Variants in GALNTL6 observed in about 807,000 individuals in gnomAD.
The protein encoded by GALNTL6 is polypeptide N-acetylgalactosaminyltransferase like 6, also known as polypeptide N-acetylgalactosaminyltransferase-like 6.
A neutral mutation model predicts 73.7 loss-of-function variants in GALNTL6; 46 were observed. That is an observed-to-expected ratio of 0.62 (90% confidence interval 0.49 to 0.80). The LOEUF (loss-of-function observed/expected upper bound fraction) is 0.80, where lower values mean the gene tolerates loss of function less well. Ranked by LOEUF, GALNTL6 falls within the 30% of genes least tolerant of loss-of-function variation. The pLI, the probability that GALNTL6 is intolerant of heterozygous loss-of-function variation, is 0.00. For missense variants in GALNTL6, 604 were observed against 755.0 expected, an observed-to-expected ratio of 0.80 and a Z score of 2.34; for synonymous variants, 259 against 263.7, an observed-to-expected ratio of 0.98 and a Z score of 0.17.
At chr4:171,892,989 A>G (rs1736805637) in intron 2 of GALNTL6, among the ~76,000 whole-genome samples, 1 of 152,210 alleles carries the variant, frequency 6.6e-6, no homozygotes, top group Non-Finnish European at 1.5e-5. Context: ...CATTTCCCAG[A>G]AACCCATGCA....
intron 7 of GALNTL6, among the ~76,000 whole-genome samples, chr4:172,854,383 A>G (rs982960481): frequency 1.3e-5 from 2 of 152,226 alleles, no homozygotes; most frequent in African/African-American, 4.8e-5. Flanking sequence ...AATAGTTTGA[A>G]TTCAAAAAAA....
intron 5 of GALNTL6, among the ~76,000 whole-genome samples, chr4:172,665,965 C>T (rs984062958): frequency 6.6e-6 from 1 of 152,108 alleles, no homozygotes; most frequent in African/African-American, 2.4e-5. Context: ...CCCCTTCTTA[C>T]ATATTCTGCT....
At chr4:172,114,819 G>C (rs1010379760) in intron 2 of GALNTL6, among the ~76,000 whole-genome samples, 5 of 152,044 alleles carry the variant, frequency 3.3e-5, no homozygotes, top group Middle Eastern at 3.2e-3. Context: ...AGACCTGCCT[G>C]CTAGAGATAG....
chr4:172,671,827 C>T (rs990532260), intron 5 of GALNTL6, among the ~76,000 whole-genome samples: 4 of 151,896 alleles, frequency 2.6e-5, no homozygotes, highest in South Asian at 2.1e-4. Flanking sequence ...GAAATATGTT[C>T]CTTTAACACC....
At chr4:172,659,910 T>C (rs536466042) in intron 5 of GALNTL6, among the ~76,000 whole-genome samples, 1 of 152,148 alleles carries the variant, frequency 6.6e-6, no homozygotes, top group Non-Finnish European at 1.5e-5. Flanking sequence ...CACAATTGTA[T>C]AATCCAGTTT....
chr4:172,053,125 C>G (rs1044986386), intron 2 of GALNTL6, among the ~76,000 whole-genome samples: 1 of 152,134 alleles, frequency 6.6e-6, no homozygotes, highest in African/African-American at 2.4e-5. Context: ...AATGAACTCA[C>G]GTCTAATTAC....
At chr4:172,922,131 C>A (rs1017775215) in intron 8 of GALNTL6, among the ~76,000 whole-genome samples, 9 of 152,098 alleles carry the variant, frequency 5.9e-5, no homozygotes, top group Non-Finnish European at 1.2e-4. Context: ...ACTTTTGCTT[C>A]TTCCTCATTT....
intron 4 of GALNTL6, among the ~76,000 whole-genome samples, chr4:172,315,543 G>T (rs891386570): frequency 6.6e-6 from 1 of 152,214 alleles, no homozygotes; most frequent in Non-Finnish European, 1.5e-5. Flanking sequence ...GAGCCACTGT[G>T]CCTGGCCCTG....
chr4:172,184,429 G>T (rs1735355700), intron 2 of GALNTL6, among the ~76,000 whole-genome samples: 1 of 152,122 alleles, frequency 6.6e-6, no homozygotes. Flanking sequence ...TGAACCAGGG[G>T]TCTCTATGTC....
intron 9 of GALNTL6, among the ~76,000 whole-genome samples, chr4:172,935,118 A>G (rs1389048228): frequency 6.6e-6 from 1 of 152,200 alleles, no homozygotes; most frequent in East Asian, 1.9e-4. Flanking sequence ...CTTCATGGGA[A>G]CAACTTGGCC....
chr4:171,929,519 C>T (rs1738108040), intron 2 of GALNTL6, among the ~76,000 whole-genome samples: 1 of 152,184 alleles, frequency 6.6e-6, no homozygotes, highest in Non-Finnish European at 1.5e-5. Context: ...AACAAATACA[C>T]AACTGTATTT....
chr4:172,664,464 A>G (rs549220046), intron 5 of GALNTL6, among the ~76,000 whole-genome samples: 13 of 152,336 alleles, frequency 8.5e-5, no homozygotes, highest in African/African-American at 2.9e-4. Context: ...TTTGCTTTAT[A>G]ACACCCAAAT....
At chr4:172,020,025 T>C (rs1234975494) in intron 2 of GALNTL6, among the ~76,000 whole-genome samples, 1 of 152,110 alleles carries the variant, frequency 6.6e-6, no homozygotes, top group Non-Finnish European at 1.5e-5. Context: ...TTGGAAACTA[T>C]GCAAACACAT....
intron 11 of GALNTL6, among the ~76,000 whole-genome samples, chr4:173,012,908 C>T (rs1462366751): frequency 2.6e-5 from 4 of 152,128 alleles, no homozygotes; most frequent in Non-Finnish European, 4.4e-5. Flanking sequence ...GAGGCTGAGG[C>T]GGGTGGCTCA....
At chr4:173,026,976 G>A (rs1561094680) in intron 12 of GALNTL6, among the ~76,000 whole-genome samples, 1 of 152,096 alleles carries the variant, frequency 6.6e-6, no homozygotes, top group Admixed American at 6.5e-5. Flanking sequence ...TGATATATCT[G>A]TATATCTATA....
At chr4:171,984,597 G>C (rs1740010015) in intron 2 of GALNTL6, among the ~76,000 whole-genome samples, 1 of 152,112 alleles carries the variant, frequency 6.6e-6, no homozygotes, top group Non-Finnish European at 1.5e-5. Context: ...GAGTTTCTAA[G>C]TCCACAGTTA....
At chr4:172,545,897 A>G (rs1254295052) in intron 5 of GALNTL6, 2 of 152,232 alleles carry the variant, frequency 1.3e-5, no homozygotes, top group Non-Finnish European at 2.9e-5. Context: ...CAAAAGAATG[A>G]GACAAGATAT....
chr4:172,974,198 A>G (rs1449072645), intron 10 of GALNTL6, among the ~76,000 whole-genome samples: 1 of 152,164 alleles, frequency 6.6e-6, no homozygotes, highest in Non-Finnish European at 1.5e-5. Flanking sequence ...GTAACAAAAA[A>G]TTTCATTCAA....
chr4:172,013,906 T>C (rs760652550), intron 2 of GALNTL6, among the ~76,000 whole-genome samples: 3 of 139,010 alleles, frequency 2.2e-5, no homozygotes, highest in South Asian at 2.5e-4. Context: ...ATCCTTCTAC[T>C]CTATACCTCC....
Sources: gnomAD v4.1 joint callset for allele counts (sites outside exome capture counted in the v4.1 genomes callset) on GRCh38, gnomAD v4.1.1 for gene constraint, MANE v1.5 for transcripts, NCBI Gene and HGNC (gene_info 2026-07-23, HGNC 2026-07-21) for gene names.